The following PRDM16 variants were observed in gnomAD, a reference collection of about 807,000 sequenced individuals.
PRDM16 encodes PR/SET domain 16.
Under a neutral mutation model 110.6 loss-of-function variants are expected in PRDM16, and 23 were observed. The ratio of observed to expected loss-of-function variants is 0.21; its 90% CI spans 0.15 to 0.29. PRDM16 has a LOEUF of 0.29. PRDM16 is among the 10% of genes least tolerant of loss of function. The pLI, the probability that PRDM16 is intolerant of heterozygous loss-of-function variation, is 1.00. For synonymous variants in PRDM16, 799 were observed against 781.8 expected, an observed-to-expected ratio of 1.02 and a Z score of -0.37; for missense variants, 1,615 against 1,794.3, an observed-to-expected ratio of 0.90 and a Z score of 1.81.
At chr1:3,253,485 T>G (rs1240291802) in intron 3 of PRDM16, among the ~76,000 whole-genome samples, 1 of 148,500 alleles carries the variant, frequency 6.7e-6, no homozygotes, top group Admixed American at 6.8e-5. Context: ...TGCGATAGTT[T>G]ATTGAGAATG....
rs540612881 is a variant in PRDM16, at chr1:3,245,857, C to T, written c.438+1720C>T. The stretch of plus-strand genomic sequence containing the variant: ...AGTTAGTGCGAATCCCTCAAGTTCT[C>T]GAGGGAGCCTGAAATCACTGGGTTT... On this transcript the variant is annotated intron_variant, in intron 3 of 16. Coordinates refer to ENST00000270722, the MANE Select transcript of PRDM16 (RefSeq NM_022114.4). This position sits in a 1 kb window ranked among gnomAD's most constrained non-coding sequence, Gnocchi z 4.7. Among the ~76,000 whole-genome samples, 1 of 152,294 alleles carries T rather than the reference C, an allele frequency of 6.6e-6. No homozygotes were observed. The highest frequency in any genetic ancestry group is 1.5e-5 in the Non-Finnish European group (1 of 68,018).
intron 3 of PRDM16, among the ~76,000 whole-genome samples, chr1:3,300,037 G>A (rs1224572159): frequency 1.0e-5 from 1 of 97,856 alleles, no homozygotes; most frequent in Non-Finnish European, 2.3e-5. Flanking sequence ...TGGCCGTGAT[G>A]TTTCCGATCC....
intron 1 of PRDM16, among the ~76,000 whole-genome samples, chr1:3,085,650 G>A (rs1642132444): frequency 1.3e-5 from 2 of 152,218 alleles, no homozygotes; most frequent in South Asian, 4.1e-4. Context: ...TCAAGAACGG[G>A]TGGTCCCTTT....
At chr1:3,404,261 G>A (rs1365103912) in intron 6 of PRDM16, among the ~76,000 whole-genome samples, 1 of 152,130 alleles carries the variant, frequency 6.6e-6, no homozygotes, top group Admixed American at 6.5e-5. Context: ...GGTCCCCTCC[G>A]TGTCACCTGG....
In PRDM16 at chr1:3,155,865, C is replaced by G. The variant is rs1325377665; in HGVS notation, c.38-30260C>G. ...GAGCAGCAGGCACCCCTGCGTTACC[C>G]TTGTCTTCCTCTTCAGAGCTGCTCG... is the stretch of plus-strand genomic sequence containing the variant. On this transcript the variant is annotated intron_variant, in intron 1 of 16. Coordinates refer to ENST00000270722, the MANE Select transcript of PRDM16 (RefSeq NM_022114.4). Among the ~76,000 whole-genome samples the G allele has an allele frequency of 3.3e-5, 5 of 152,234 alleles. No individual in the cohort carries two copies. In the East Asian group the frequency reaches 9.6e-4, roughly 29 times the overall value.
intron 1 of PRDM16, among the ~76,000 whole-genome samples, chr1:3,161,766 A>G (rs1643898916): frequency 6.6e-6 from 1 of 152,206 alleles, no homozygotes; most frequent in African/African-American, 2.4e-5. Context: ...CGGCACCTGA[A>G]CAGTCCTAAG....
At chr1:3,117,150 G>A (rs979579110) in intron 1 of PRDM16, among the ~76,000 whole-genome samples, 3 of 152,190 alleles carry the variant, frequency 2.0e-5, no homozygotes, top group Non-Finnish European at 4.4e-5. Context: ...CGGCTGTTTC[G>A]GCTCCCATCA....
At chr1:3,253,662 T>A (rs974146335) in intron 3 of PRDM16, among the ~76,000 whole-genome samples, 19 of 152,310 alleles carry the variant, frequency 1.2e-4, no homozygotes, top group African/African-American at 4.6e-4. Context: ...AGTGCTGCAA[T>A]AAACATACGT....
intron 3 of PRDM16, among the ~76,000 whole-genome samples, chr1:3,297,791 G>A (rs968033244): frequency 1.9e-4 from 29 of 152,174 alleles, no homozygotes; most frequent in African/African-American, 6.8e-4. Flanking sequence ...CCGATGGCAG[G>A]AAGGGACCAA....
At chr1:3,131,890 A>C (rs573375668) in intron 1 of PRDM16, among the ~76,000 whole-genome samples, 1 of 152,202 alleles carries the variant, frequency 6.6e-6, no homozygotes, top group Non-Finnish European at 1.5e-5. Flanking sequence ...TCCTGGGCCT[A>C]TGTCCTAGAT....
In PRDM16 at chr1:3,113,645, C is replaced by T. The variant is rs534125638; in HGVS notation, c.37+44349C>T. On this transcript the variant is annotated intron_variant, in intron 1 of 16. Transcript: ENST00000270722. ...GCTGGTCGTCCTGGGCACTGCAGGG[C>T]GCTGAGCAGCATTCCCGGCCCCCAC... Among the ~76,000 whole-genome samples the T allele has an allele frequency of 6.6e-5, 10 of 152,350 alleles. No homozygotes were observed. The South Asian group carries it at 8.3e-4, about 13-fold the overall frequency.
At position 3,412,162 on chromosome 1, in the gene PRDM16, C is replaced by T. The variant is rs1057524280; in HGVS notation, c.1965C>T (p.Pro655=). 2 of 1,569,516 alleles carry T rather than the reference C, an allele frequency of 1.3e-6. No homozygotes were observed. Among genetic ancestry groups the T allele is most frequent in the Admixed American group, 1.8e-5 (1 of 54,772 alleles). The change falls in exon 9 of 17, where the codon CCC becomes CCT. Residue 655 remains proline, a synonymous_variant. Transcript: ENST00000270722. The stretch of plus-strand genomic sequence containing the variant: ...CCAAGTTTGGGGGCGGCTTGGCGCC[C>T]CCGGGGGCCCCGAACAGCGTGGCCG... The part of the protein sequence containing the change: ...GQPKFGGGLA[P]PGAPNSVAEV...
chr1:3,139,497 C>A (rs541277349), intron 1 of PRDM16, among the ~76,000 whole-genome samples: 14 of 152,200 alleles, frequency 9.2e-5, no homozygotes, highest in Non-Finnish European at 1.6e-4. Context: ...CGGGGTCCCT[C>A]GGGGGCTGCA....
chr1:3,436,842 G>A lies in PRDM16; in HGVS notation c.*3031G>A. 1 of 233,262 alleles carries A rather than the reference G, an allele frequency of 4.3e-6. No homozygotes were observed. Among genetic ancestry groups the A allele is most frequent in the Non-Finnish European group, 8.5e-6 (1 of 118,050 alleles). 14.4% of individuals were successfully genotyped at this position (233,262 alleles called of 1,614,324 possible). A position where few individuals can be genotyped will look rare whatever the true frequency, so the allele number is the denominator to read the frequency against. ...CCAGGGTCAGGGCTGCAAGCCAGGGGTCCAGGGCCCTTCCGTTCAGCCCAA... is the reference window on the plus strand; with the variant it reads ...CCAGGGTCAGGGCTGCAAGCCAGGGATCCAGGGCCCTTCCGTTCAGCCCAA... On this transcript the variant is annotated 3_prime_UTR_variant, in exon 17 of 17. Transcript: ENST00000270722.
At chr1:3,218,787 C>T (rs1422123846) in intron 2 of PRDM16, among the ~76,000 whole-genome samples, 1 of 152,224 alleles carries the variant, frequency 6.6e-6, no homozygotes, top group Non-Finnish European at 1.5e-5. Flanking sequence ...CCTCAGGACG[C>T]TCCTCCCCCA....
intron 1 of PRDM16, among the ~76,000 whole-genome samples, chr1:3,171,865 T>A (rs1418076881): frequency 6.6e-6 from 1 of 152,088 alleles, no homozygotes; most frequent in Non-Finnish European, 1.5e-5. Flanking sequence ...CTTGTCGCCC[T>A]GCTTGGATCA....
At position 3,300,154 on chromosome 1, in the gene PRDM16, G is replaced by A. The variant is rs541957081; in HGVS notation, c.438+56017G>A. ...TTGTTGAAGATGCTATGCTGTGGCCGTGATGTTTCAGATCCCAGTCGTGGT... is the reference window on the plus strand; with the variant it reads ...TTGTTGAAGATGCTATGCTGTGGCCATGATGTTTCAGATCCCAGTCGTGGT... On this transcript the variant is annotated intron_variant, in intron 3 of 16. Coordinates refer to ENST00000270722, the MANE Select transcript of PRDM16 (RefSeq NM_022114.4). 7.5e-3 allele frequency among the ~76,000 whole-genome samples: 709 copies of A among 94,868 alleles called. 86 individuals carry two copies. The highest frequency in any genetic ancestry group is 0.021 in the African/African-American group (662 of 30,806). The allele number at this position is 94,868 out of a possible 152,430, so 62.2% of individuals were successfully genotyped here.
intron 3 of PRDM16, among the ~76,000 whole-genome samples, chr1:3,342,619 A>G (rs6683273): frequency 0.069 from 10,492 of 152,260 alleles, 479 homozygotes; most frequent in East Asian, 0.12. Context: ...AGGCTTTTCC[A>G]TCACTCCTGG....
intron 2 of PRDM16, among the ~76,000 whole-genome samples, chr1:3,205,119 TG>T (rs1001138707): frequency 1.7e-5 from 2 of 114,814 alleles, no homozygotes; most frequent in African/African-American, 6.8e-5. Context: ...CACTTTTGTT[TG>T]GTGGGGGCGG....
Sources: allele counts gnomAD v4.1 joint callset (sites outside exome capture counted in the v4.1 genomes callset), GRCh38; gene constraint gnomAD v4.1.1; non-coding constraint Gnocchi (gnomAD v3.1); transcripts MANE v1.5; gene names NCBI Gene and HGNC (gene_info 2026-07-23, HGNC 2026-07-21).